The following LAP3 variants were observed in gnomAD, a reference collection of about 807,000 sequenced individuals.
The protein encoded by LAP3 is cytosol aminopeptidase.
A neutral mutation model predicts 58.8 loss-of-function variants in LAP3; 46 were observed. The ratio of observed to expected loss-of-function variants is 0.78; its 90% CI spans 0.62 to 1.00. LAP3 has a LOEUF of 1.00. Among genes scored for constraint, LAP3 ranks in the 50% least tolerant of loss-of-function variants. The pLI is 0.00. For missense variants in LAP3, 615 were observed against 659.1 expected, an observed-to-expected ratio of 0.93 and a Z score of 0.73; for synonymous variants, 257 against 237.7, an observed-to-expected ratio of 1.08 and a Z score of -0.75.
chr4:17,588,731 A>T, intron 6 of LAP3, 88 bp from the exon 7 acceptor site: 1 of 1,258,832 alleles, frequency 7.9e-7, no homozygotes, highest in Non-Finnish European at 1.1e-6. Context: ...TGTATATTAT[A>T]CTTTTTCACA....
Position 17,598,450 on chromosome 4 carries a change from C to G in LAP3, c.1078-6C>G. The stretch of plus-strand genomic sequence containing the variant: ...TGTCACCCTTTCTGTTTTTGACCCT[C>G]TGCAGGTTGATAACACTGATGCTGA... On this transcript the variant is annotated splice_polypyrimidine_tract_variant and splice_region_variant and intron_variant, in intron 9 of 12. Transcript: ENST00000226299. 1 of 1,606,306 alleles carries G rather than the reference C, an allele frequency of 6.2e-7. No homozygotes were observed. Among genetic ancestry groups the G allele is most frequent in the Non-Finnish European group, 8.5e-7 (1 of 1,172,928 alleles).
chr4:17,585,846 A>C (rs1323219803), intron 6 of LAP3: 1 of 152,242 alleles, frequency 6.6e-6, no homozygotes, highest in African/African-American at 2.4e-5. Flanking sequence ...CCCTAAAGCC[A>C]GCAGGGGATG....
Position 17,577,566 on chromosome 4 carries a change from A to G in LAP3, c.101A>G (p.Lys34Arg). ...AGTCTCTCCACCGCAGACATGACGA[A>G]GGTGAGAGGCGGCGGCTCGCTCATG... Reference protein sequence around the residue: ...SRSLSTADMTKGLVLGIYSKE... With the variant: ...SRSLSTADMTRGLVLGIYSKE... The change falls in exon 1 of 13, where the codon AAG becomes AGG. Residue 34 changes from lysine (K) to arginine (R), a missense_variant and splice_region_variant. Lys to Arg is a conservative substitution (Grantham distance 26). Transcript: ENST00000226299. The G allele has an allele frequency of 6.5e-7, 1 of 1,549,766 alleles. No homozygotes were observed. The highest frequency in any genetic ancestry group is 8.7e-7 in the Non-Finnish European group (1 of 1,147,382).
At position 17,577,209 on chromosome 4, in the gene LAP3, C is replaced by CGGGCGCACACGAATGA; in HGVS notation, c.-242_-241insAGGGCGCACACGAATG. 2 of 331,340 alleles carry CGGGCGCACACGAATGA rather than the reference C, an allele frequency of 6.0e-6. No homozygotes were observed. Among genetic ancestry groups the CGGGCGCACACGAATGA allele is most frequent in the Non-Finnish European group, 1.1e-5 (2 of 183,520 alleles). 20.5% of individuals were successfully genotyped at this position (331,340 alleles called of 1,614,324 possible). On this transcript the variant is annotated 5_prime_UTR_variant, in exon 1 of 13. In the 5' UTR this introduces an upstream ATG that the reference lacks. Coordinates refer to ENST00000226299, the MANE Select transcript of LAP3 (RefSeq NM_015907.3). ...CCGCATGCGCGGGCGCACACGAATG[C>CGGGCGCACACGAATGA]GGGCGCACACGAATGCGGGCGCACA...
At chr4:17,582,087 C>A (rs980325684) in intron 3 of LAP3, 2 of 609,180 alleles carry the variant, frequency 3.3e-6, no homozygotes, top group African/African-American at 1.9e-5. Context: ...GCCTCTCAAA[C>A]CTATAAGTTA....
chr4:17,589,688 G>C (rs1024604143), intron 7 of LAP3, among the ~76,000 whole-genome samples: 6 of 152,222 alleles, frequency 3.9e-5, no homozygotes, highest in Admixed American at 2.0e-4. Flanking sequence ...TTAAACTGCT[G>C]TCTCAAGCAA....
At chr4:17,595,285 A>T (rs1024403669) in intron 7 of LAP3, 125 bp from the exon 8 acceptor site, 2 of 1,010,584 alleles carry the variant, frequency 2.0e-6, no homozygotes, top group Non-Finnish European at 2.9e-6. Flanking sequence ...TGATCCGCCC[A>T]CCTCGGCCTC....
chr4:17,601,195 C>T (rs1423603888), intron 10 of LAP3, among the ~76,000 whole-genome samples: 1 of 152,122 alleles, frequency 6.6e-6, no homozygotes, highest in East Asian at 1.9e-4. Flanking sequence ...TAACATTGAT[C>T]AGTGAGCATC....
intron 5 of LAP3, 151 bp from the exon 6 acceptor site, chr4:17,584,821 A>G: frequency 1.4e-6 from 1 of 695,002 alleles, no homozygotes; most frequent in Non-Finnish European, 2.3e-6. Context: ...GGGTCAGATC[A>G]CAAAAAATGA....
At chr4:17,594,927 T>C (rs751774131) in intron 7 of LAP3, among the ~76,000 whole-genome samples, 13 of 152,146 alleles carry the variant, frequency 8.5e-5, no homozygotes, top group Non-Finnish European at 1.5e-4. Flanking sequence ...AATACAGAGA[T>C]GGAATTTGCA....
At chr4:17,595,368 C>T (rs536917227) in intron 7 of LAP3, 42 bp from the exon 8 acceptor site, 4 of 1,598,890 alleles carry the variant, frequency 2.5e-6, no homozygotes, top group East Asian at 4.5e-5. Flanking sequence ...TTTTGGCCAT[C>T]TTCTTTGCTC....
In LAP3 at chr4:17,604,618, C is replaced by T; in HGVS notation, c.1211C>T (p.Ala404Val). The T allele has an allele frequency of 6.2e-7, 1 of 1,613,914 alleles. No individual in the cohort carries two copies. Among genetic ancestry groups the T allele is most frequent in the Non-Finnish European group, 8.5e-7 (1 of 1,179,912 alleles). Reference sequence around the variant, plus strand: ...ATGGATGTAGCTTTGGGATCAGGTGCCACTGGGGTCTTTACCAATTCATCC... The same window carrying T: ...ATGGATGTAGCTTTGGGATCAGGTGTCACTGGGGTCTTTACCAATTCATCC... The part of the protein sequence containing the change: ...GAMDVALGSG[A>V]TGVFTNSSWL... Residue 404 changes from alanine to valine, a missense_variant, in exon 11 of 13, where the codon GCC becomes GTC. Physicochemically the swap from Ala to Val is moderately conservative, Grantham distance 64. Coordinates refer to ENST00000226299, the MANE Select transcript of LAP3 (RefSeq NM_015907.3).
chr4:17,605,118 C>CCACACACACA (rs10609509), intron 11 of LAP3, among the ~76,000 whole-genome samples: 6 of 147,032 alleles, frequency 4.1e-5, no homozygotes, highest in African/African-American at 1.3e-4. Context: ...ACCCTCACTT[C>CCACACACACA]CACACACACA....
chr4:17,577,543 T>C lies in LAP3; in HGVS notation c.78T>C (p.Ser26=), dbSNP rs772361027. 6 of 1,568,982 alleles carry C rather than the reference T, an allele frequency of 3.8e-6. No homozygotes were observed. The highest frequency in any genetic ancestry group is 1.4e-5 in the African/African-American group (1 of 73,292). ...CCGTGAGACGTTTCGGGAGCCGGAG[T>C]CTCTCCACCGCAGACATGACGAAGG... ...RLAVRRFGSR[S]LSTADMTKGL... Residue 26 remains serine (S), a synonymous_variant, in exon 1 of 13, where the codon AGT becomes AGC. Transcript: ENST00000226299.
intron 7 of LAP3, among the ~76,000 whole-genome samples, chr4:17,592,931 C>G (rs183120185): frequency 2.0e-4 from 30 of 152,188 alleles, no homozygotes; most frequent in African/African-American, 7.0e-4. Flanking sequence ...CCCGAGTAGC[C>G]GGGACTATAG....
chr4:17,577,551 C>G lies in LAP3; in HGVS notation c.86C>G (p.Thr29Ser). ...VRRFGSRSLS[T>S]ADMTKGLVLG... The stretch of plus-strand genomic sequence containing the variant: ...CGTTTCGGGAGCCGGAGTCTCTCCA[C>G]CGCAGACATGACGAAGGTGAGAGGC... The change falls in exon 1 of 13, where the codon ACC (threonine) becomes AGC (serine). Residue 29 changes from threonine (T) to serine (S), a missense_variant. Transcript: ENST00000226299. 1 of 1,565,498 alleles carries G rather than the reference C, an allele frequency of 6.4e-7. No individual in the cohort carries two copies. The highest frequency in any genetic ancestry group is 8.6e-7 in the Non-Finnish European group (1 of 1,156,482).
Position 17,581,828 on chromosome 4 carries a change from G to A in LAP3, c.273+14G>A, listed in dbSNP as rs764301927. 17 of 1,609,098 alleles carry A rather than the reference G, an allele frequency of 1.1e-5. No individual in the cohort carries two copies. The highest frequency in any genetic ancestry group is 8.0e-5 in the African/African-American group (6 of 74,802). On this transcript the variant is annotated intron_variant, in intron 3 of 12. Transcript: ENST00000226299. ...GGTCTGCATCAGGTATGAGAAGAAC[G>A]TGATCATTTGGTAAACCCTCAATGA...
chr4:17,598,984 C>T (rs549445049), intron 10 of LAP3, among the ~76,000 whole-genome samples: 18 of 152,096 alleles, frequency 1.2e-4, no homozygotes, highest in African/African-American at 2.4e-4. Context: ...GTGATCCACC[C>T]GCCTCAGCCT....
intron 11 of LAP3, 97 bp downstream of exon 11, chr4:17,604,764 T>G: frequency 1.1e-6 from 1 of 918,224 alleles, no homozygotes; most frequent in Non-Finnish European, 1.7e-6. Context: ...TTAAAGTGAT[T>G]TTTATGCCGC....
Sources: gnomAD v4.1 joint callset for allele counts (sites outside exome capture counted in the v4.1 genomes callset) on GRCh38, gnomAD v4.1.1 for gene constraint, MANE v1.5 for transcripts, NCBI Gene and HGNC (gene_info 2026-07-23, HGNC 2026-07-21) for gene names.